ACTR3C: variants seen among roughly 807,000 people sequenced by gnomAD.
ACTR3C encodes the protein actin related protein 3C, also known as actin-related protein 3C.
A neutral mutation model predicts 26.3 loss-of-function variants in ACTR3C; 18 were observed. The ratio of observed to expected loss-of-function variants is 0.68; its 90% CI spans 0.47 to 1.01. The LOEUF (loss-of-function observed/expected upper bound fraction) is 1.01. Among genes scored for constraint, ACTR3C ranks in the 50% least tolerant of loss-of-function variants. The pLI, the probability that ACTR3C is intolerant of heterozygous loss-of-function variation, is 0.00. For synonymous variants in ACTR3C, 55 were observed against 94.5 expected (o/e 0.58, Z 2.42); for missense variants, 184 against 250.7 (o/e 0.73, Z 1.80).
the ACTR3C span, among the ~76,000 whole-genome samples, chr7:150,112,121 AC>A: frequency 6.7e-6 from 1 of 148,994 alleles, no homozygotes; most frequent in African/African-American, 2.5e-5. Flanking sequence ...CAGCCTGCCC[AC>A]CCCGACGTGC....
the ACTR3C span, among the ~76,000 whole-genome samples, chr7:149,906,315 T>C: frequency 6.6e-6 from 1 of 151,762 alleles, no homozygotes; most frequent in African/African-American, 2.4e-5. Flanking sequence ...TAATGTGCCA[T>C]TTATTCATTT....
the ACTR3C span, among the ~76,000 whole-genome samples, chr7:150,158,910 C>CACACACGTGCACACACATGTGCGCAG: frequency 6.7e-6 from 1 of 149,810 alleles, no homozygotes; most frequent in African/African-American, 2.5e-5. Context: ...CACGTGCGCA[C>CACACACGTGCACACACATGTGCGCAG]ACACACGTGC....
the ACTR3C span, among the ~76,000 whole-genome samples, chr7:150,036,113 G>T: frequency 4.4e-5 from 5 of 112,816 alleles, 2 homozygotes; most frequent in Admixed American, 4.1e-4. Context: ...CAAAGAGCCA[G>T]GGGGGGAAGA....
At chr7:150,191,687 T>C in the ACTR3C span, among the ~76,000 whole-genome samples, 5 of 152,188 alleles carry the variant, frequency 3.3e-5, no homozygotes, top group Non-Finnish European at 7.4e-5. Context: ...TGTTCAAATT[T>C]TGAGGCCTTT....
chr7:150,223,518 C>T, the ACTR3C span, among the ~76,000 whole-genome samples: 4 of 151,936 alleles, frequency 2.6e-5, no homozygotes, highest in African/African-American at 9.7e-5. Context: ...ACTGCCAAAT[C>T]ATTTCCCAAG....
At chr7:150,195,123 G>GTATATATATATATATGTA in the ACTR3C span, among the ~76,000 whole-genome samples, 19 of 133,456 alleles carry the variant, frequency 1.4e-4, no homozygotes, top group East Asian at 3.0e-3. Flanking sequence ...ATATATATAT[G>GTATATATATATATATGTA]TATATATATA....
chr7:150,118,172 C>T, the ACTR3C span, among the ~76,000 whole-genome samples: 3 of 152,184 alleles, frequency 2.0e-5, no homozygotes, highest in African/African-American at 7.2e-5. Context: ...ACCGGAATTC[C>T]TCTTCTCCTC....
chr7:149,911,838 A>C, the ACTR3C span, among the ~76,000 whole-genome samples: 1 of 152,134 alleles, frequency 6.6e-6, no homozygotes, highest in African/African-American at 2.4e-5. Flanking sequence ...CCACTATTTG[A>C]CAAATGTGTA....
chr7:150,006,232 T>C, the ACTR3C span, among the ~76,000 whole-genome samples: 2 of 151,772 alleles, frequency 1.3e-5, no homozygotes, highest in African/African-American at 2.4e-5. Context: ...AGTCTTACTC[T>C]GTCGCCCAGG....
the ACTR3C span, among the ~76,000 whole-genome samples, chr7:150,085,358 C>T: frequency 2.6e-5 from 4 of 152,096 alleles, no homozygotes; most frequent in East Asian, 1.9e-4. Context: ...AGAGGTCACG[C>T]GGGAAGACAG....
chr7:149,906,415 T>TC, the ACTR3C span, among the ~76,000 whole-genome samples: 2 of 2,628 alleles, frequency 7.6e-4, no homozygotes, highest in African/African-American at 5.1e-4. Flanking sequence ...TTTGTTTCTT[T>TC]TTTTTTTTTT....
chr7:150,006,444 G>T, the ACTR3C span, among the ~76,000 whole-genome samples: 1 of 148,516 alleles, frequency 6.7e-6, no homozygotes, highest in Non-Finnish European at 1.5e-5. Flanking sequence ...TGATCCGCCC[G>T]CCTCGGCCTC....
chr7:149,896,034 C>CAAAAAAA, the ACTR3C span, among the ~76,000 whole-genome samples: 59 of 83,034 alleles, frequency 7.1e-4, no homozygotes, highest in Admixed American at 1.2e-3. Context: ...CCTGTCTCTA[C>CAAAAAAA]AAAAAAAAAA....
chr7:150,180,528 T>G, the ACTR3C span, among the ~76,000 whole-genome samples: 11 of 145,412 alleles, frequency 7.6e-5, no homozygotes, highest in African/African-American at 3.0e-4. Flanking sequence ...TTTTTTTTTT[T>G]CTGAGAGGGA....
chr7:149,995,793 G>A, the ACTR3C span, among the ~76,000 whole-genome samples: 367 of 152,384 alleles, frequency 2.4e-3, no homozygotes, highest in Middle Eastern at 0.01. Flanking sequence ...CCACAGCTCC[G>A]TGAGGGGCAC....
the ACTR3C span, among the ~76,000 whole-genome samples, chr7:150,140,111 A>G: frequency 3.3e-5 from 5 of 152,228 alleles, no homozygotes; most frequent in African/African-American, 1.2e-4. Flanking sequence ...CTGGGGTCCA[A>G]CAGATGACCA....
At chr7:150,172,533 T>C in the ACTR3C span, among the ~76,000 whole-genome samples, 1 of 150,458 alleles carries the variant, frequency 6.6e-6, no homozygotes, top group Non-Finnish European at 1.5e-5. Context: ...AGTTGAGATT[T>C]GGGTAGGGAC....
At chr7:150,211,603 A>G in the ACTR3C span, among the ~76,000 whole-genome samples, 1 of 149,356 alleles carries the variant, frequency 6.7e-6, no homozygotes, top group Non-Finnish European at 1.5e-5. Context: ...TAGGCTTGGA[A>G]TATTGTAAAG....
At chr7:150,008,059 G>GA in the ACTR3C span, among the ~76,000 whole-genome samples, 1 of 152,224 alleles carries the variant, frequency 6.6e-6, no homozygotes, top group African/African-American at 2.4e-5. Context: ...TTAAACGAAA[G>GA]AAAAAAATCA....
Sources: allele counts gnomAD v4.1 joint callset (sites outside exome capture counted in the v4.1 genomes callset), GRCh38; gene constraint gnomAD v4.1.1; transcripts MANE v1.5; gene names NCBI Gene and HGNC (gene_info 2026-07-23, HGNC 2026-07-21).